Variants in CDC123 observed in about 807,000 individuals in gnomAD.
CDC123 encodes the protein cell division cycle 123, also known as translation initiation factor eIF2 assembly protein.
Under a neutral mutation model 54.4 loss-of-function variants are expected in CDC123, and 37 were observed. That is an observed-to-expected ratio of 0.68 (90% CI 0.52 to 0.89). The LOEUF (loss-of-function observed/expected upper bound fraction) is 0.89. Among genes scored for constraint, CDC123 ranks in the 40% least tolerant of loss-of-function variants. CDC123 has a pLI of 0.00. For synonymous variants in CDC123, 144 were observed against 136.8 expected, an observed-to-expected ratio of 1.05 and a Z score of -0.37; for missense variants, 361 against 412.1, an observed-to-expected ratio of 0.88 and a Z score of 1.07.
chr10:12,208,509 T>C (rs187613274), intron 2 of CDC123, among the ~76,000 whole-genome samples: 61 of 152,288 alleles, frequency 4.0e-4, no homozygotes, highest in Non-Finnish European at 4.3e-4. Context: ...AAGGGTACAA[T>C]GGGCAGGTCA....
rs138632064 is a variant in CDC123 at position 12,196,408 on chromosome 10, C to T, written c.74+89C>T. ...TTACTGCTATCCAAAAAAATGCAGG[C>T]CTTCTAGCGACTGCATGGGAGGGAG... On this transcript the variant is annotated intron_variant, in intron 1 of 12. Coordinates refer to ENST00000281141, the MANE Select transcript of CDC123 (RefSeq NM_006023.3). The T allele has an allele frequency of 5.9e-5, 92 of 1,556,630 alleles. No individual in the cohort carries two copies. The African/African-American group carries it at 1.1e-3, about 18-fold the overall frequency.
At chr10:12,198,623 A>G (rs1023745505) in intron 1 of CDC123, 82 bp from the exon 2 acceptor site, 1 of 779,468 alleles carries the variant, frequency 1.3e-6, no homozygotes, top group African/African-American at 1.8e-5. Flanking sequence ...GACAATTCCA[A>G]AATTAATCAA....
At chr10:12,211,568 C>T (rs1359693265) in intron 4 of CDC123, among the ~76,000 whole-genome samples, 2 of 152,218 alleles carry the variant, frequency 1.3e-5, no homozygotes, top group Non-Finnish European at 1.5e-5. Flanking sequence ...GTAAATGTTA[C>T]TTATCTGCCA....
chr10:12,203,110 A>G (rs1228701986), intron 2 of CDC123, among the ~76,000 whole-genome samples: 3 of 152,212 alleles, frequency 2.0e-5, no homozygotes, highest in Non-Finnish European at 4.4e-5. Context: ...CAGATCTTCC[A>G]TGCCCTACCT....
chr10:12,203,374 C>T (rs1835469430), intron 2 of CDC123, among the ~76,000 whole-genome samples: 1 of 152,224 alleles, frequency 6.6e-6, no homozygotes, highest in Non-Finnish European at 1.5e-5. Context: ...ACATGCTTAT[C>T]CTACTTTCTC....
chr10:12,219,347 G>A (rs1221603099), intron 6 of CDC123, among the ~76,000 whole-genome samples: 1 of 152,122 alleles, frequency 6.6e-6, no homozygotes, highest in African/African-American at 2.4e-5. Flanking sequence ...TGTGTGTGGT[G>A]TGTGTCTGTG....
At chr10:12,235,215 A>T in intron 8 of CDC123, 92 bp downstream of exon 8, 1 of 1,041,108 alleles carries the variant, frequency 9.6e-7, no homozygotes, top group South Asian at 1.3e-5. Flanking sequence ...AGTAATTAGG[A>T]CAGGGATGTC....
chr10:12,210,119 T>C (rs1424009735), intron 3 of CDC123, 95 bp downstream of exon 3: 5 of 1,482,338 alleles, frequency 3.4e-6, no homozygotes, highest in Non-Finnish European at 4.7e-6. Flanking sequence ...TTACATCTGA[T>C]AAAATGAGAA....
intron 11 of CDC123, 68 bp from the exon 12 acceptor site, chr10:12,249,513 T>C: frequency 6.7e-7 from 1 of 1,498,602 alleles, no homozygotes; most frequent in Non-Finnish European, 9.1e-7. Context: ...CTAGGTTCTT[T>C]TTTAGTTCAC....
At chr10:12,205,702 T>C (rs1290437539) in intron 2 of CDC123, among the ~76,000 whole-genome samples, 1 of 152,196 alleles carries the variant, frequency 6.6e-6, no homozygotes, top group East Asian at 1.9e-4. Context: ...AGTTGTAATA[T>C]AGAAAATATA....
At position 12,246,240 on chromosome 10, in the gene CDC123, T is replaced by G. The variant is rs1350371114; in HGVS notation, c.809T>G (p.Leu270Ter). ...GAAGAACTGATATCTGAGAACAACT[T>G]AAACGGCGATTTTAGTGAAGTTGAC... Reference protein sequence around the residue: ...TWEELISENNLNGDFSEVDAQ... With the variant: ...TWEELISENN The change falls in exon 11 of 13, where the codon TTA (leucine) becomes TGA (stop). Residue 270 changes from leucine to a stop codon, truncating the protein, a stop_gained. Transcript: ENST00000281141. LOFTEE classifies it high-confidence loss of function. 6.2e-7 allele frequency: 1 copy of G among 1,614,180 alleles called. No individual in the cohort carries two copies. Among genetic ancestry groups the G allele is most frequent in the Non-Finnish European group, 8.5e-7 (1 of 1,180,030 alleles).
In CDC123 at chr10:12,196,230, C is replaced by T. The variant is rs1165053713; in HGVS notation, c.-16C>T. 1.2e-6 allele frequency: 2 copies of T among 1,613,712 alleles called. No individual in the cohort carries two copies. Among genetic ancestry groups the T allele is most frequent in the African/African-American group, 1.3e-5 (1 of 74,886 alleles). ...CAGGCAGGAGAGGGAAAGGCAGCAG[C>T]GGCGGCAGCTGGAGGATGAAGAAGG... On this transcript the variant is annotated 5_prime_UTR_variant, in exon 1 of 13. Coordinates refer to ENST00000281141, the MANE Select transcript of CDC123 (RefSeq NM_006023.3).
chr10:12,205,092 C>T (rs1189484386), intron 2 of CDC123, among the ~76,000 whole-genome samples: 3 of 152,000 alleles, frequency 2.0e-5, no homozygotes, highest in Admixed American at 2.0e-4. Flanking sequence ...CCCTTCACAG[C>T]CTTTGCTAAC....
At chr10:12,207,427 CTT>C (rs1308972842) in intron 2 of CDC123, among the ~76,000 whole-genome samples, 2 of 152,046 alleles carry the variant, frequency 1.3e-5, no homozygotes, top group African/African-American at 2.4e-5. Context: ...CCTTTATTGT[CTT>C]TTTTTCTTCC....
intron 6 of CDC123, 97 bp from the exon 7 acceptor site, chr10:12,230,851 G>C: frequency 1.7e-6 from 2 of 1,162,682 alleles, no homozygotes; most frequent in East Asian, 4.7e-5. Flanking sequence ...GATGCTTTTA[G>C]TAAAACGTTA....
intron 1 of CDC123, among the ~76,000 whole-genome samples, 188 bp downstream of exon 1, chr10:12,196,507 T>C (rs963699061): frequency 1.3e-5 from 2 of 151,748 alleles, no homozygotes; most frequent in African/African-American, 4.8e-5. Context: ...GCTAGGAGGG[T>C]CAGTTGTGGT....
At chr10:12,210,401 C>T in intron 4 of CDC123, 79 bp downstream of exon 4, 1 of 1,500,022 alleles carries the variant, frequency 6.7e-7, no homozygotes. Flanking sequence ...AAGTGCATAC[C>T]TCTCTTAAAT....
chr10:12,221,928 G>A (rs908999754), intron 6 of CDC123, among the ~76,000 whole-genome samples: 2 of 152,140 alleles, frequency 1.3e-5, no homozygotes, highest in African/African-American at 4.8e-5. Context: ...CAAGGTTCTC[G>A]ACACAAGCAT....
intron 6 of CDC123, among the ~76,000 whole-genome samples, chr10:12,223,768 T>C (rs1235139851): frequency 1.3e-5 from 2 of 152,234 alleles, no homozygotes; most frequent in African/African-American, 2.4e-5. Flanking sequence ...TATTTTTTTT[T>C]GGTAAAATTA....
Sources: allele counts gnomAD v4.1 joint callset (sites outside exome capture counted in the v4.1 genomes callset), GRCh38; gene constraint gnomAD v4.1.1; transcripts MANE v1.5; gene names NCBI Gene and HGNC (gene_info 2026-07-23, HGNC 2026-07-21).